TRAF3IP3: variants seen among roughly 807,000 people sequenced by gnomAD.
TRAF3IP3 encodes the protein TRAF3-interacting JNK-activating modulator.
Under a neutral mutation model 86.5 loss-of-function variants are expected in TRAF3IP3, and 64 were observed. The ratio of observed to expected loss-of-function variants is 0.74; its 90% CI spans 0.60 to 0.91. The LOEUF (loss-of-function observed/expected upper bound fraction) is 0.91, where lower values mean the gene tolerates loss of function less well. Ranked by LOEUF, TRAF3IP3 falls within the 40% of genes least tolerant of loss-of-function variation. The pLI is 0.00. For synonymous variants in TRAF3IP3, 220 were observed against 243.9 expected, an observed-to-expected ratio of 0.90 and a Z score of 0.91; for missense variants, 579 against 642.9, an observed-to-expected ratio of 0.90 and a Z score of 1.07.
At chr1:209,779,092 C>T (rs1376264701) in intron 13 of TRAF3IP3, 1 of 581,114 alleles carries the variant, frequency 1.7e-6, no homozygotes, top group Non-Finnish European at 3.0e-6. Context: ...ACCTGAATGA[C>T]CCCATTTTAA....
Position 209,778,184 on chromosome 1 carries a change from T to G in TRAF3IP3, c.1252+11T>G, listed in dbSNP as rs747832253. 1.9e-6 allele frequency: 3 copies of G among 1,613,586 alleles called. No homozygotes were observed. In the African/African-American group the frequency reaches 4.0e-5, roughly 22 times the overall value. On this transcript the variant is annotated intron_variant, in intron 13 of 16. Transcript: ENST00000367025. ...TACAGCAGTTGCAGGGTAAGTTCGC[T>G]TTCCAGATTCTGAAAGTCCACAGGG...
chr1:209,770,766 CGTGTGCCTATGGAGGTGTGT>C (rs1558019325), intron 8 of TRAF3IP3, among the ~76,000 whole-genome samples: 7 of 59,586 alleles, frequency 1.2e-4, no homozygotes, highest in Non-Finnish European at 1.9e-4. Context: ...TGGAGGTGTG[CGTGTGCCTATGGAGGTGTGT>C]GTGTGTGCAT....
chr1:209,773,728 G>A (rs1033851524), intron 9 of TRAF3IP3, among the ~76,000 whole-genome samples: 1 of 152,260 alleles, frequency 6.6e-6, no homozygotes, highest in Non-Finnish European at 1.5e-5. Context: ...AGTTTATGGA[G>A]TCTATAAGTT....
At chr1:209,773,771 A>G (rs2077595416) in intron 9 of TRAF3IP3, among the ~76,000 whole-genome samples, 1 of 152,174 alleles carries the variant, frequency 6.6e-6, no homozygotes, top group South Asian at 2.1e-4. Context: ...TTTCAGTATA[A>G]CTTGCTTTGT....
chr1:209,780,826 T>A, intron 15 of TRAF3IP3: 1 of 327,712 alleles, frequency 3.1e-6, no homozygotes, highest in East Asian at 5.4e-5. Flanking sequence ...AATGATTACC[T>A]TTTAGAAAGT....
intron 8 of TRAF3IP3, among the ~76,000 whole-genome samples, chr1:209,771,443 A>AGGGGTGTGTGTGCATGTGGAGG (rs771503302): frequency 1.3e-5 from 1 of 76,468 alleles, no homozygotes; most frequent in Admixed American, 1.6e-4. Flanking sequence ...GTGCATGTGG[A>AGGGGTGTGTGTGCATGTGGAGG]GGTGTGTGTG....
At chr1:209,768,600 A>G in intron 8 of TRAF3IP3, 1 of 985,870 alleles carries the variant, frequency 1.0e-6, no homozygotes, top group Non-Finnish European at 1.2e-6. Flanking sequence ...TCTGGAGAGC[A>G]GATCAGAGGC....
chr1:209,779,387 A>C lies in TRAF3IP3; in HGVS notation c.1312+13A>C, dbSNP rs747800615. The stretch of plus-strand genomic sequence containing the variant: ...TTAACAAAGAAAGGTCAGCAAATTT[A>C]TTACCACAAATTCTAAGATATTGCT... On this transcript the variant is annotated intron_variant, in intron 14 of 16. Transcript: ENST00000367025. 1.4e-5 allele frequency: 22 copies of C among 1,608,534 alleles called. No homozygotes were observed. The highest frequency in any genetic ancestry group is 9.9e-5 in the South Asian group (9 of 90,970).
chr1:209,780,589 C>A lies in TRAF3IP3; in HGVS notation c.1432C>A (p.Gln478Lys), dbSNP rs2077755441. 3 of 1,589,436 alleles carry A rather than the reference C, an allele frequency of 1.9e-6. No homozygotes were observed. The highest frequency in any genetic ancestry group is 2.6e-6 in the Non-Finnish European group (3 of 1,165,604). ...GCTGCAAAAGAAGACTTTGCAGCTC[C>A]AGGCCAAGGAAAAGGAGGTGAGAGG... Reference protein sequence around the residue: ...DQLQKKTLQLQAKEKECRELH... With the variant: ...DQLQKKTLQLKAKEKECRELH... Residue 478 changes from glutamine (Q) to lysine (K), a missense_variant, in exon 15 of 17, where the codon CAG becomes AAG. Coordinates refer to ENST00000367025, the MANE Select transcript of TRAF3IP3 (RefSeq NM_025228.4).
chr1:209,768,306 G>A (rs986356682), intron 8 of TRAF3IP3: 1 of 985,434 alleles, frequency 1.0e-6, no homozygotes, highest in African/African-American at 1.7e-5. Flanking sequence ...ACCTCCGGAT[G>A]TCTCTGGGCC....
intron 14 of TRAF3IP3, 72 bp downstream of exon 14, chr1:209,779,446 C>A: frequency 7.5e-7 from 1 of 1,326,990 alleles, no homozygotes; most frequent in South Asian, 1.2e-5. Flanking sequence ...GCGGGATGGA[C>A]TACATGACCT....
chr1:209,775,049 A>G (rs1318730412), intron 9 of TRAF3IP3, among the ~76,000 whole-genome samples: 1 of 152,164 alleles, frequency 6.6e-6, no homozygotes, highest in Non-Finnish European at 1.5e-5. Flanking sequence ...AGGAACCCCA[A>G]GAAAAAAGAA....
chr1:209,774,178 A>AT lies in TRAF3IP3; in HGVS notation c.774+1159_774+1160insT, dbSNP rs1302229174. Among the ~76,000 whole-genome samples, 19 of 152,346 alleles carry AT rather than the reference A, an allele frequency of 1.2e-4. No individual in the cohort carries two copies. In the East Asian group the frequency reaches 3.7e-3, roughly 29 times the overall value. Reference sequence around the variant, plus strand: ...AGATGAAAGAAAGGGAGAAGGCAAGACCCCCAGTGAATTTGCAAAGCTGCG... The same window carrying AT: ...AGATGAAAGAAAGGGAGAAGGCAAGATCCCCCAGTGAATTTGCAAAGCTGCG... On this transcript the variant is annotated intron_variant, in intron 9 of 16. Transcript: ENST00000367025.
At chr1:209,768,734 C>CT in intron 8 of TRAF3IP3, 1 of 976,994 alleles carries the variant, frequency 1.0e-6, no homozygotes. Flanking sequence ...CTCCCGGGGT[C>CT]TAACTGCCTA....
In TRAF3IP3 at chr1:209,777,514, T is replaced by C. The variant is rs1173107865; in HGVS notation, c.1189+27T>C. ...TACTCTTCTCCTTGGAGGCCTTGAG[T>C]GCATGGCAGCCATGGCCAAGTGAGC... is the stretch of plus-strand genomic sequence containing the variant. On this transcript the variant is annotated intron_variant, in intron 12 of 16. Transcript: ENST00000367025. 19 of 1,569,472 alleles carry C rather than the reference T, an allele frequency of 1.2e-5. No homozygotes were observed. The Admixed American group carries it at 3.4e-4, about 28-fold the overall frequency.
intron 13 of TRAF3IP3, chr1:209,778,776 C>A (rs192951814): frequency 1.3e-5 from 2 of 155,910 alleles, no homozygotes; most frequent in Admixed American, 1.3e-4. Context: ...CAAGCAAAGA[C>A]TTGAAGATAG....
intron 12 of TRAF3IP3, 131 bp from the exon 13 acceptor site, chr1:209,777,980 A>G: frequency 1.3e-6 from 1 of 797,556 alleles, no homozygotes; most frequent in Non-Finnish European, 2.0e-6. Flanking sequence ...GGACACGAAG[A>G]TAGAGCAACT....
chr1:209,774,939 A>G (rs986677598), intron 9 of TRAF3IP3, among the ~76,000 whole-genome samples: 3 of 152,154 alleles, frequency 2.0e-5, no homozygotes, highest in African/African-American at 7.2e-5. Context: ...TCAATGACCA[A>G]CTGATTAGAG....
chr1:209,777,124 G>A (rs1454490741), intron 11 of TRAF3IP3: 1 of 350,584 alleles, frequency 2.9e-6, no homozygotes, highest in Non-Finnish European at 5.1e-6. Context: ...AAAGACGCGA[G>A]TTCCTTGTGA....
Sources: allele counts gnomAD v4.1 joint callset (sites outside exome capture counted in the v4.1 genomes callset), GRCh38; gene constraint gnomAD v4.1.1; transcripts MANE v1.5; gene names NCBI Gene and HGNC (gene_info 2026-07-23, HGNC 2026-07-21).